Variants in CEP112 observed in about 807,000 individuals in gnomAD.
The protein encoded by CEP112 is centrosomal protein of 112 kDa.
A neutral mutation model predicts 153.0 loss-of-function variants in CEP112; 127 were observed. That is an observed-to-expected ratio of 0.83 (90% confidence interval 0.72 to 0.96). The LOEUF (loss-of-function observed/expected upper bound fraction) is 0.96. Among genes scored for constraint, CEP112 ranks in the 40% least tolerant of loss-of-function variants. The pLI, the probability that CEP112 is intolerant of heterozygous loss-of-function variation, is 0.00. For missense variants in CEP112, 1,089 were observed against 1,101.2 expected, an observed-to-expected ratio of 0.99 and a Z score of 0.16; for synonymous variants, 358 against 374.4, an observed-to-expected ratio of 0.96 and a Z score of 0.51.
intron 12 of CEP112, among the ~76,000 whole-genome samples, chr17:66,031,504 G>A (rs1261979913): frequency 2.1e-5 from 2 of 93,466 alleles, no homozygotes; most frequent in East Asian, 6.2e-4. Context: ...TTTTTTTTGA[G>A]ACAGGGTCTC....
At chr17:65,875,922 A>ACCAGATAATATGTT (rs1683788139) in intron 20 of CEP112, among the ~76,000 whole-genome samples, 1 of 152,138 alleles carries the variant, frequency 6.6e-6, no homozygotes, top group Admixed American at 6.5e-5. Context: ...TCAAAACACA[A>ACCAGATAATATGTT]CCAGATAATA....
intron 23 of CEP112, among the ~76,000 whole-genome samples, chr17:65,725,977 C>A (rs1018854061): frequency 6.6e-6 from 1 of 152,096 alleles, no homozygotes; most frequent in African/African-American, 2.4e-5. Context: ...GGATTATATT[C>A]TTTAAATCAA....
intron 21 of CEP112, among the ~76,000 whole-genome samples, chr17:65,783,061 C>A (rs2054087700): frequency 6.6e-6 from 1 of 151,362 alleles, no homozygotes; most frequent in Non-Finnish European, 1.5e-5. Flanking sequence ...TAAAAGTTTA[C>A]TACTTTTCAA....
intron 20 of CEP112, among the ~76,000 whole-genome samples, chr17:65,865,831 G>A (rs910813320): frequency 4.6e-5 from 7 of 152,156 alleles, no homozygotes; most frequent in Non-Finnish European, 8.8e-5. Context: ...GATGGGGTCC[G>A]GCCGCGTCAC....
chr17:65,826,230 T>A (rs1389464236), intron 21 of CEP112: 1 of 1,614,054 alleles, frequency 6.2e-7, no homozygotes, highest in East Asian at 2.2e-5. Context: ...TTCTCTTCTC[T>A]CATCTCTATC....
At chr17:66,188,397 A>AC (rs58016503) in intron 1 of CEP112, among the ~76,000 whole-genome samples, 55 of 129,040 alleles carry the variant, frequency 4.3e-4, no homozygotes, top group East Asian at 4.8e-4. Flanking sequence ...CCATGGTCAA[A>AC]CCCCCCCCCA....
intron 4 of CEP112, among the ~76,000 whole-genome samples, chr17:66,139,612 GAA>G (rs892083477): frequency 2.7e-5 from 4 of 147,322 alleles, no homozygotes; most frequent in African/African-American, 9.9e-5. Context: ...TATCTCAAGA[GAA>G]AAAAAAAAGT....
intron 23 of CEP112, among the ~76,000 whole-genome samples, chr17:65,706,395 G>A (rs894472909): frequency 3.3e-5 from 5 of 152,182 alleles, no homozygotes; most frequent in South Asian, 2.1e-4. Flanking sequence ...TGAAGGGGAG[G>A]CAGACCTGAA....
intron 16 of CEP112, among the ~76,000 whole-genome samples, chr17:66,017,068 T>C (rs1239991999): frequency 6.6e-6 from 1 of 152,240 alleles, no homozygotes; most frequent in African/African-American, 2.4e-5. Flanking sequence ...ATGATCAGTA[T>C]ATGTGAAACA....
chr17:66,059,238 C>T (rs183444222), intron 11 of CEP112, among the ~76,000 whole-genome samples: 13 of 151,878 alleles, frequency 8.6e-5, no homozygotes, highest in Non-Finnish European at 1.0e-4. Flanking sequence ...AGACATTGAC[C>T]GTGGTAAAGA....
chr17:65,776,392 G>A (rs1406767376), intron 21 of CEP112, among the ~76,000 whole-genome samples: 2 of 152,122 alleles, frequency 1.3e-5, no homozygotes, highest in Non-Finnish European at 2.9e-5. Flanking sequence ...CTGCCACCAC[G>A]CTCAGCTAAT....
At chr17:66,054,779 T>C (rs2066609161) in intron 11 of CEP112, among the ~76,000 whole-genome samples, 1 of 152,150 alleles carries the variant, frequency 6.6e-6, no homozygotes, top group Non-Finnish European at 1.5e-5. Flanking sequence ...TGTTTTGAGA[T>C]GGAGTCTCAC....
chr17:65,994,015 T>C (rs1339600985), intron 17 of CEP112, among the ~76,000 whole-genome samples: 2 of 6,996 alleles, frequency 2.9e-4, no homozygotes, highest in African/African-American at 9.7e-4. Context: ...CTTCGGTTCA[T>C]AGGAAAAAAA....
In CEP112 at chr17:65,636,991, A is replaced by G. The variant is rs6504334; in HGVS notation, c.2864+133T>C. The G allele has an allele frequency of 5.0e-4, 338 of 679,674 alleles. 3 individuals carry two copies. In the African/African-American group the frequency reaches 5.7e-3, roughly 11 times the overall value. 42.1% of individuals were successfully genotyped at this position (679,674 alleles called of 1,614,324 possible). ...GTGACTTCTTAAAGACATGCTACTT[A>G]CTAAAAACAAGTCTTTTTCAAAACT... On this transcript the variant is annotated intron_variant, in intron 26 of 26. Coordinates refer to ENST00000535342, the MANE Select transcript of CEP112 (RefSeq NM_001199165.4).
chr17:66,080,112 G>A (rs2067659356), intron 8 of CEP112, among the ~76,000 whole-genome samples: 1 of 152,112 alleles, frequency 6.6e-6, no homozygotes, highest in African/African-American at 2.4e-5. Context: ...AAGACCTCAT[G>A]ACTAAAACAC....
At chr17:65,933,751 T>G (rs1330526068) in intron 18 of CEP112, among the ~76,000 whole-genome samples, 1 of 152,158 alleles carries the variant, frequency 6.6e-6, no homozygotes, top group Non-Finnish European at 1.5e-5. Flanking sequence ...ATAAAACATA[T>G]GAAAGTAAAA....
chr17:65,926,696 G>T (rs547136882), intron 19 of CEP112, among the ~76,000 whole-genome samples: 1 of 141,230 alleles, frequency 7.1e-6, no homozygotes, highest in African/African-American at 3.1e-5. Flanking sequence ...CTGGGTGAGA[G>T]AGTGAGACTC....
chr17:66,084,091 T>C (rs1263824125), intron 8 of CEP112, among the ~76,000 whole-genome samples: 2 of 152,120 alleles, frequency 1.3e-5, no homozygotes, highest in Non-Finnish European at 2.9e-5. Context: ...TTCTCATGCA[T>C]ATCAAAACTA....
At chr17:65,677,650 C>T (rs568275150) in intron 24 of CEP112, among the ~76,000 whole-genome samples, 8 of 152,244 alleles carry the variant, frequency 5.3e-5, no homozygotes, top group Admixed American at 3.3e-4. Flanking sequence ...TGGTGGTTCA[C>T]GCCTGTAATC....
Sources: gnomAD v4.1 joint callset for allele counts (sites outside exome capture counted in the v4.1 genomes callset) on GRCh38, gnomAD v4.1.1 for gene constraint, MANE v1.5 for transcripts, NCBI Gene and HGNC (gene_info 2026-07-23, HGNC 2026-07-21) for gene names.